The following ERC1 variants were observed in gnomAD, a reference collection of about 807,000 sequenced individuals.
The protein encoded by ERC1 is ELKS/RAB6-interacting/CAST family member 1.
A neutral mutation model predicts 132.0 loss-of-function variants in ERC1; 56 were observed. The ratio of observed to expected loss-of-function variants is 0.42; its 90% CI spans 0.34 to 0.53. The LOEUF (loss-of-function observed/expected upper bound fraction) is 0.53, where lower values mean the gene tolerates loss of function less well. Ranked by LOEUF, ERC1 falls within the 20% of genes least tolerant of loss-of-function variation. The pLI is 0.03. For missense variants in ERC1, 1,202 were observed against 1,349.9 expected (o/e 0.89, Z 1.72); for synonymous variants, 478 against 476.1 (o/e 1.00, Z -0.05).
At chr12:1,049,989 C>T (rs868185357) in intron 2 of ERC1, among the ~76,000 whole-genome samples, 4 of 152,032 alleles carry the variant, frequency 2.6e-5, no homozygotes, top group South Asian at 2.1e-4. Flanking sequence ...GTGATCCGCC[C>T]GCCTCGGCCT....
At chr12:1,410,415 G>A in intron 17 of ERC1, 1 of 1,324,524 alleles carries the variant, frequency 7.5e-7, no homozygotes, top group Non-Finnish European at 9.9e-7. Context: ...TATGGGCATA[G>A]CCAATCAGAG....
chr12:1,168,494 T>TG (rs1952685879), intron 8 of ERC1, among the ~76,000 whole-genome samples: 4 of 141,386 alleles, frequency 2.8e-5, no homozygotes, highest in Non-Finnish European at 6.3e-5. Context: ...TTTTTTTTTT[T>TG]TTTTTTGGAG....
intron 7 of ERC1, among the ~76,000 whole-genome samples, chr12:1,124,607 G>GA: frequency 1.6e-4 from 1 of 6,424 alleles, no homozygotes; most frequent in Non-Finnish European, 5.5e-3. Flanking sequence ...AGGAAACTTA[G>GA]AAAAAACAGT....
intron 18 of ERC1, among the ~76,000 whole-genome samples, chr12:1,447,029 GAA>G (rs761299655): frequency 3.0e-5 from 3 of 101,414 alleles, no homozygotes; most frequent in African/African-American, 6.7e-5. Flanking sequence ...TCTCTAAAAC[GAA>G]AAAAAAAAAA....
intron 7 of ERC1, among the ~76,000 whole-genome samples, chr12:1,124,877 T>A (rs4337096): frequency 0.61 from 93,359 of 152,016 alleles, 30,976 homozygotes; most frequent in East Asian, 0.87. Flanking sequence ...GTTCAAGAGA[T>A]AAGAGAAAAC....
At chr12:1,068,742 T>C (rs536863844) in intron 2 of ERC1, among the ~76,000 whole-genome samples, 33 of 152,250 alleles carry the variant, frequency 2.2e-4, no homozygotes, top group Non-Finnish European at 4.3e-4. Flanking sequence ...AATTTGGTTC[T>C]TTTGTCTAAG....
chr12:1,479,541 A>G (rs2094043625), intron 18 of ERC1, among the ~76,000 whole-genome samples: 1 of 152,236 alleles, frequency 6.6e-6, no homozygotes, highest in Non-Finnish European at 1.5e-5. Flanking sequence ...TATTAAGGAG[A>G]GAACTCAGAA....
chr12:1,490,046 C>A, intron 18 of ERC1, 47 bp from the exon 19 acceptor site: 1 of 1,596,240 alleles, frequency 6.3e-7, no homozygotes, highest in Non-Finnish European at 8.6e-7. Context: ...TAGCTCAGTG[C>A]AAATGGGATT....
At chr12:996,269 T>TA (rs1352320867) in intron 1 of ERC1, among the ~76,000 whole-genome samples, 5 of 140,664 alleles carry the variant, frequency 3.6e-5, no homozygotes, top group African/African-American at 1.3e-4. Flanking sequence ...TTTTTTTTTT[T>TA]TTTTTTGTAT....
intron 15 of ERC1, among the ~76,000 whole-genome samples, chr12:1,339,067 A>G (rs1334917494): frequency 6.6e-6 from 1 of 152,246 alleles, no homozygotes; most frequent in Non-Finnish European, 1.5e-5. Context: ...TGCACGCTGG[A>G]CAACTGTGAC....
intron 1 of ERC1, among the ~76,000 whole-genome samples, chr12:1,005,632 A>G (rs1592636687): frequency 6.6e-6 from 1 of 152,302 alleles, no homozygotes; most frequent in South Asian, 2.1e-4. Flanking sequence ...TCCATTCTGA[A>G]TAATGTGATT....
At chr12:1,419,692 A>G (rs1005999918) in intron 17 of ERC1, among the ~76,000 whole-genome samples, 1 of 152,030 alleles carries the variant, frequency 6.6e-6, no homozygotes, top group Non-Finnish European at 1.5e-5. Context: ...ATAGAGTTTT[A>G]GTTTTGCAAG....
chr12:1,327,138 G>A (rs905732582), intron 15 of ERC1, among the ~76,000 whole-genome samples: 1 of 152,050 alleles, frequency 6.6e-6, no homozygotes, highest in African/African-American at 2.4e-5. Flanking sequence ...TAAATCTCAT[G>A]TCCTAATTTA....
chr12:1,393,589 TC>T (rs1376564551), intron 16 of ERC1, among the ~76,000 whole-genome samples: 44 of 145,788 alleles, frequency 3.0e-4, no homozygotes, highest in Non-Finnish European at 4.5e-4. Context: ...TTTTTTTTTT[TC>T]CTTTAGAGAG....
intron 1 of ERC1, among the ~76,000 whole-genome samples, chr12:1,016,039 C>A (rs1276073159): frequency 1.4e-5 from 2 of 146,902 alleles, no homozygotes; most frequent in Non-Finnish European, 1.5e-5. Context: ...CAGAATTTCA[C>A]ATATAATTAT....
intron 2 of ERC1, among the ~76,000 whole-genome samples, chr12:1,071,215 C>T (rs868400884): frequency 5.9e-5 from 9 of 152,110 alleles, no homozygotes; most frequent in South Asian, 2.1e-4. Flanking sequence ...GGGGTGATAC[C>T]TAAGGGTGGA....
Position 1,403,659 on chromosome 12 carries a change from C to G in ERC1, c.2926-4490C>G, listed in dbSNP as rs184769111. Among the ~76,000 whole-genome samples, 40 of 152,190 alleles carry G rather than the reference C, an allele frequency of 2.6e-4. No individual in the cohort carries two copies. In the East Asian group the frequency reaches 6.7e-3, roughly 26 times the overall value. On this transcript the variant is annotated intron_variant, in intron 16 of 18. Coordinates refer to ENST00000360905, the MANE Select transcript of ERC1 (RefSeq NM_178040.4). Reference sequence around the variant, plus strand: ...ATAAGGAATCTTTGGTCTTATCTGTCCACTTGGATCAGTTTTTTTCAGGCA... The same window carrying G: ...ATAAGGAATCTTTGGTCTTATCTGTGCACTTGGATCAGTTTTTTTCAGGCA...
intron 5 of ERC1, among the ~76,000 whole-genome samples, chr12:1,111,877 GATATA>G (rs1565989704): frequency 6.6e-6 from 1 of 152,074 alleles, no homozygotes; most frequent in Non-Finnish European, 1.5e-5. Flanking sequence ...ACGGTGCTGG[GATATA>G]ATCATAGGTG....
chr12:1,396,839 C>G (rs186343926), intron 16 of ERC1, among the ~76,000 whole-genome samples: 1 of 152,318 alleles, frequency 6.6e-6, no homozygotes, highest in Admixed American at 6.5e-5. Flanking sequence ...AACCGAACCT[C>G]TGCTGAAGAT....
Sources: gnomAD v4.1 joint callset for allele counts (sites outside exome capture counted in the v4.1 genomes callset) on GRCh38, gnomAD v4.1.1 for gene constraint, MANE v1.5 for transcripts, NCBI Gene and HGNC (gene_info 2026-07-23, HGNC 2026-07-21) for gene names.